The following FSIP1 variants were observed in gnomAD, a reference collection of about 807,000 sequenced individuals.
FSIP1 encodes fibrous sheath interacting protein 1, also known as fibrous sheath-interacting protein 1.
FSIP1 carries 65 observed loss-of-function variants against 60.9 expected under a neutral mutation model. That is an observed-to-expected ratio of 1.07 (90% CI 0.87 to 1.31). The LOEUF (loss-of-function observed/expected upper bound fraction) is 1.31, where lower values mean the gene tolerates loss of function less well. Ranked by LOEUF, FSIP1 falls within the 40% of genes most tolerant of loss-of-function variation. The probability of loss-of-function intolerance (pLI) is 0.00; values close to 1 mark genes in which losing one functional copy is unlikely to be tolerated. For synonymous variants in FSIP1, 209 were observed against 221.2 expected (o/e 0.94, Z 0.49); for missense variants, 675 against 665.5 (o/e 1.01, Z -0.16).
intron 10 of FSIP1, among the ~76,000 whole-genome samples, chr15:39,664,190 G>A (rs1893407346): frequency 3.3e-5 from 5 of 151,998 alleles, no homozygotes; most frequent in African/African-American, 9.7e-5. Context: ...TTCACCTAAG[G>A]TAATTTATTC....
At chr15:39,709,500 A>G (rs1895409853) in intron 10 of FSIP1, among the ~76,000 whole-genome samples, 1 of 152,256 alleles carries the variant, frequency 6.6e-6, no homozygotes, top group African/African-American at 2.4e-5. Flanking sequence ...AACTAGTTTT[A>G]GATACTATAT....
chr15:39,725,741 T>C (rs1278948548), intron 9 of FSIP1, among the ~76,000 whole-genome samples: 1 of 151,994 alleles, frequency 6.6e-6, no homozygotes, highest in African/African-American at 2.4e-5. Flanking sequence ...AAATATAGGG[T>C]TGAGGGAGAA....
chr15:39,630,858 G>A (rs769336303), intron 10 of FSIP1, among the ~76,000 whole-genome samples: 40 of 152,128 alleles, frequency 2.6e-4, no homozygotes, highest in South Asian at 4.1e-4. Context: ...CACTCTATCC[G>A]GCATCTGAAA....
chr15:39,693,340 G>A (rs1030667502), intron 10 of FSIP1, among the ~76,000 whole-genome samples: 1 of 152,180 alleles, frequency 6.6e-6, no homozygotes, highest in African/African-American at 2.4e-5. Context: ...GTATAAAAAT[G>A]ATTTGAAGCA....
At chr15:39,642,796 C>T (rs1165416492) in intron 10 of FSIP1, among the ~76,000 whole-genome samples, 2 of 152,144 alleles carry the variant, frequency 1.3e-5, no homozygotes, top group Non-Finnish European at 2.9e-5. Context: ...CCACTGGGGA[C>T]TCTAACATTA....
chr15:39,625,737 T>TA (rs961245348), intron 10 of FSIP1, among the ~76,000 whole-genome samples: 5 of 152,000 alleles, frequency 3.3e-5, no homozygotes, highest in African/African-American at 9.7e-5. Context: ...AACTCCCAGC[T>TA]AAAAAAGCCT....
At chr15:39,726,770 AG>A in intron 8 of FSIP1, 23 bp from the exon 9 acceptor site, 1 of 1,609,248 alleles carries the variant, frequency 6.2e-7, no homozygotes. Context: ...AAGGGTCACC[AG>A]GTCATTCTCA....
chr15:39,760,552 T>A (rs1366371415), intron 5 of FSIP1, among the ~76,000 whole-genome samples: 1 of 152,112 alleles, frequency 6.6e-6, no homozygotes, highest in South Asian at 2.1e-4. Context: ...CATCTAATCA[T>A]GAGAAAACAT....
At chr15:39,612,983 CAG>C (rs1281603109) in intron 11 of FSIP1, among the ~76,000 whole-genome samples, 1 of 151,824 alleles carries the variant, frequency 6.6e-6, no homozygotes, top group African/African-American at 2.4e-5. Context: ...TTTAATAACA[CAG>C]AATGCTCAAA....
chr15:39,698,164 AATATAT>A (rs946646901), intron 10 of FSIP1, among the ~76,000 whole-genome samples: 1 of 133,026 alleles, frequency 7.5e-6, no homozygotes, highest in Admixed American at 8.0e-5. Flanking sequence ...CTGGATTTCA[AATATAT>A]ATATATATAA....
chr15:39,723,841 T>C (rs970692249), intron 9 of FSIP1, among the ~76,000 whole-genome samples: 6 of 152,240 alleles, frequency 3.9e-5, no homozygotes, highest in Admixed American at 1.3e-4. Context: ...ATACAAAAAG[T>C]AGTCCAATCC....
chr15:39,644,721 A>AC (rs201282365), intron 10 of FSIP1, among the ~76,000 whole-genome samples: 5,789 of 152,254 alleles, frequency 0.038, 389 homozygotes, highest in African/African-American at 0.13. Context: ...AGTACTGAAA[A>AC]AAAAAAACTT....
intron 10 of FSIP1, among the ~76,000 whole-genome samples, chr15:39,627,917 G>T (rs868582945): frequency 5.3e-5 from 8 of 152,322 alleles, no homozygotes; most frequent in Middle Eastern, 3.4e-3. Context: ...GCTGGGCAGG[G>T]CTCTGAAGGG....
intron 10 of FSIP1, among the ~76,000 whole-genome samples, chr15:39,678,679 A>T (rs1025689530): frequency 3.4e-4 from 52 of 152,146 alleles, no homozygotes; most frequent in African/African-American, 1.2e-3. Flanking sequence ...AGGGTATGGT[A>T]TTTTCCTTTT....
chr15:39,598,956 C>T (rs1890546362), downstream of FSIP1: 1 of 152,018 alleles, frequency 6.6e-6, no homozygotes, highest in South Asian at 2.1e-4. Flanking sequence ...AAGTCTTGCT[C>T]TGTCGCCCAG....
intron 10 of FSIP1, among the ~76,000 whole-genome samples, chr15:39,673,746 C>T (rs1270232642): frequency 1.3e-5 from 2 of 152,142 alleles, no homozygotes; most frequent in Admixed American, 6.5e-5. Flanking sequence ...CACCACCTGA[C>T]ACAAGAACTA....
intron 9 of FSIP1, among the ~76,000 whole-genome samples, chr15:39,722,236 T>C (rs1463235645): frequency 6.6e-6 from 1 of 151,564 alleles, no homozygotes; most frequent in Non-Finnish European, 1.5e-5. Context: ...TCTGTCACTG[T>C]CTCCCATTAC....
At chr15:39,700,147 C>T (rs1894996967) in intron 10 of FSIP1, among the ~76,000 whole-genome samples, 1 of 152,192 alleles carries the variant, frequency 6.6e-6, no homozygotes, top group Admixed American at 6.5e-5. Flanking sequence ...CAATTCTGTT[C>T]CCTGTAATGG....
At chr15:39,753,045 T>G (rs574237823) in intron 5 of FSIP1, among the ~76,000 whole-genome samples, 1 of 152,244 alleles carries the variant, frequency 6.6e-6, no homozygotes, top group African/African-American at 2.4e-5. Context: ...CTATCTGAGA[T>G]TGCATGTTAG....
Sources: gnomAD v4.1 joint callset for allele counts (sites outside exome capture counted in the v4.1 genomes callset) on GRCh38, gnomAD v4.1.1 for gene constraint, MANE v1.5 for transcripts, NCBI Gene and HGNC (gene_info 2026-07-23, HGNC 2026-07-21) for gene names.